CLN6: variants seen among roughly 807,000 people sequenced by gnomAD.
CLN6 encodes CLN6 transmembrane ER protein.
Under a neutral mutation model 33.3 loss-of-function variants are expected in CLN6, and 22 were observed. That is an observed-to-expected ratio of 0.66 (90% confidence interval 0.47 to 0.94). The LOEUF (loss-of-function observed/expected upper bound fraction) is 0.94. CLN6 is among the 40% of genes least tolerant of loss of function. The pLI is 0.00. For synonymous variants in CLN6, 201 were observed against 174.6 expected, an observed-to-expected ratio of 1.15 and a Z score of -1.19; for missense variants, 387 against 417.1, an observed-to-expected ratio of 0.93 and a Z score of 0.63.
chr15:68,232,707 GGACA>G (rs528007007), upstream of CLN6, among the ~76,000 whole-genome samples: 13 of 152,292 alleles, frequency 8.5e-5, no homozygotes, highest in South Asian at 2.7e-3. The surrounding 1 kb of genome is among the most constrained non-coding windows in gnomAD (Gnocchi z 4.7). Flanking sequence ...TCCTCTTTCT[GGACA>G]GACTGGCCTG....
At position 68,208,094 on chromosome 15, in the gene CLN6, G is replaced by GGCCCCCCCCCCCCCC; in HGVS notation, c.*45_*46insGGGGGGGGGGGGGGC. 7.3e-7 allele frequency: 1 copy of GGCCCCCCCCCCCCCC among 1,375,276 alleles called. No homozygotes were observed. Among genetic ancestry groups the GGCCCCCCCCCCCCCC allele is most frequent in the Non-Finnish European group, 1.0e-6 (1 of 992,022 alleles). 85.2% of individuals were successfully genotyped at this position (1,375,276 alleles called of 1,614,324 possible). A position where few individuals can be genotyped will look rare whatever the true frequency, so the allele number is the denominator to read the frequency against. ...CTCCTGTATTCAGATGCCCTCCATG[G>GGCCCCCCCCCCCCCC]CCCACCCTCCCACCCAGCAGAGCGC... On this transcript the variant is annotated 3_prime_UTR_variant, in exon 7 of 7. Coordinates refer to ENST00000249806, the MANE Select transcript of CLN6 (RefSeq NM_017882.3). The surrounding 1 kb of genome is among the most constrained non-coding windows in gnomAD (Gnocchi z 5.8).
intron 1 of CLN6, among the ~76,000 whole-genome samples, chr15:68,252,096 C>A (rs1286236225): frequency 6.6e-6 from 1 of 151,614 alleles, no homozygotes; most frequent in Non-Finnish European, 1.5e-5. Context: ...GCCTCAGCCT[C>A]CCGAGTAGCT....
At position 68,214,289 on chromosome 15, in the gene CLN6, C is replaced by T. The variant is rs796052351; in HGVS notation, c.297+1G>A. On this transcript the variant is annotated splice_donor_variant, in intron 3 of 6. Transcript: ENST00000249806. LOFTEE classifies it high-confidence loss of function. ...AGAGAGTGGGGGCCCTGGGACAGTA[C>T]CTTGAGCAAGAGAAAGGGCGTGATG... The T allele has an allele frequency of 1.9e-6, 3 of 1,610,806 alleles. No individual in the cohort carries two copies. Among genetic ancestry groups the T allele is most frequent in the Non-Finnish European group, 2.5e-6 (3 of 1,177,028 alleles).
chr15:68,243,995 G>A (rs1224310624), intron 1 of CLN6, among the ~76,000 whole-genome samples: 1 of 151,914 alleles, frequency 6.6e-6, no homozygotes, highest in Non-Finnish European at 1.5e-5. Flanking sequence ...AACCCGAGAG[G>A]CGGACTTTGC....
At chr15:68,230,074 G>A (rs984422111), upstream of CLN6, among the ~76,000 whole-genome samples, 2 of 152,214 alleles carry the variant, frequency 1.3e-5, no homozygotes, top group Non-Finnish European at 2.9e-5. This position sits in a 1 kb window ranked among gnomAD's most constrained non-coding sequence, Gnocchi z 4.0. Context: ...TACGGGTGGA[G>A]GAGAGGAGGC....
At chr15:68,254,915 T>C in intron 1 of CLN6, 4 of 1,127,870 alleles carry the variant, frequency 3.5e-6, no homozygotes, top group Non-Finnish European at 5.3e-6. Flanking sequence ...AGTGTGTGCA[T>C]TTTTGATAAC....
chr15:68,248,652 CAAAA>C (rs34923729), intron 1 of CLN6, among the ~76,000 whole-genome samples: 2 of 103,792 alleles, frequency 1.9e-5, no homozygotes, highest in Admixed American at 1.0e-4. Flanking sequence ...GACTCCGTCT[CAAAA>C]AAAAAAAAAA....
At chr15:68,225,007 A>AG (rs1287737543) in intron 1 of CLN6, among the ~76,000 whole-genome samples, 1 of 152,230 alleles carries the variant, frequency 6.6e-6, no homozygotes, top group Admixed American at 6.5e-5. Context: ...CAGCATCTGC[A>AG]GGGCTGCCTG....
chr15:68,218,615 G>A lies in CLN6; in HGVS notation c.119C>T (p.Thr40Met), dbSNP rs769199442. 21 of 1,613,716 alleles carry A rather than the reference G, an allele frequency of 1.3e-5. No individual in the cohort carries two copies. In the Admixed American group the frequency reaches 1.7e-4, roughly 13 times the overall value. Reference sequence around the variant, plus strand: ...CCAGAGGTCGAGGTGGAAGGGAGCCGTGCGGGCAGCCTCATCAGCGCTCAC... The same window carrying A: ...CCAGAGGTCGAGGTGGAAGGGAGCCATGCGGGCAGCCTCATCAGCGCTCAC... ...GSVSADEAAR[T>M]APFHLDLWFY... The change falls in exon 2 of 7, where the codon ACG (threonine) becomes ATG (methionine). Residue 40 changes from threonine (T) to methionine (M), a missense_variant. Thr to Met is a moderately conservative substitution (Grantham distance 81). Coordinates refer to ENST00000249806, the MANE Select transcript of CLN6 (RefSeq NM_017882.3).
intron 2 of CLN6, chr15:68,215,564 T>C (rs562808853): frequency 1.3e-5 from 2 of 152,270 alleles, no homozygotes; most frequent in South Asian, 2.1e-4. Context: ...CACAAACTCC[T>C]GGGCTCAAGC....
intron 3 of CLN6, chr15:68,212,102 C>T: frequency 1.8e-6 from 1 of 561,436 alleles, no homozygotes; most frequent in Non-Finnish European, 3.2e-6. Context: ...AGCAAAAAGA[C>T]CAGAGGGCCC....
At chr15:68,234,599 T>C (rs78732479), upstream of CLN6, among the ~76,000 whole-genome samples, 15 of 152,346 alleles carry the variant, frequency 9.8e-5, no homozygotes, top group East Asian at 2.1e-3. This position sits in a 1 kb window ranked among gnomAD's most constrained non-coding sequence, Gnocchi z 4.1. Flanking sequence ...CAGAGCTGAA[T>C]TGCTCTCTGC....
intron 1 of CLN6, among the ~76,000 whole-genome samples, chr15:68,237,090 G>A (rs376492025): frequency 2.0e-4 from 29 of 147,288 alleles, no homozygotes; most frequent in African/African-American, 7.0e-4. Context: ...CCGGGAAGCG[G>A]AGCTTGCAGT....
chr15:68,235,900 C>T (rs2141159944), intron 1 of CLN6, among the ~76,000 whole-genome samples: 1 of 152,276 alleles, frequency 6.6e-6, no homozygotes, highest in Middle Eastern at 3.4e-3. Context: ...TCCTTCCTTG[C>T]ATTTCTCCAG....
intron 1 of CLN6, among the ~76,000 whole-genome samples, chr15:68,221,519 C>G (rs377253571): frequency 1.3e-5 from 2 of 152,038 alleles, no homozygotes; most frequent in East Asian, 2.0e-4. Flanking sequence ...GACGGAGTCT[C>G]GCTCACTCAA....
At chr15:68,226,712 A>T (rs2093253095) in intron 1 of CLN6, among the ~76,000 whole-genome samples, 1 of 151,948 alleles carries the variant, frequency 6.6e-6, no homozygotes, top group South Asian at 2.1e-4. Flanking sequence ...TGATCCGCCC[A>T]TCTCGGCCTC....
intron 1 of CLN6, among the ~76,000 whole-genome samples, chr15:68,252,808 A>G (rs1218943741): frequency 6.6e-6 from 1 of 152,240 alleles, no homozygotes; most frequent in Non-Finnish European, 1.5e-5. Context: ...ACTTGCATAA[A>G]GCTCAAACAA....
chr15:68,222,764 C>T (rs915119706), intron 1 of CLN6, among the ~76,000 whole-genome samples: 4 of 152,298 alleles, frequency 2.6e-5, no homozygotes, highest in Admixed American at 1.3e-4. Flanking sequence ...TAGGAGACTC[C>T]ATTTTGTTCT....
intron 2 of CLN6, 119 bp from the exon 3 acceptor site, chr15:68,214,507 T>C (rs889828961): frequency 5.9e-5 from 41 of 696,638 alleles, no homozygotes; most frequent in African/African-American, 9.5e-5. Flanking sequence ...CACCCCATCA[T>C]GTACACTTAA....
Sources: allele counts gnomAD v4.1 joint callset (sites outside exome capture counted in the v4.1 genomes callset), GRCh38; gene constraint gnomAD v4.1.1; non-coding constraint Gnocchi (gnomAD v3.1); transcripts MANE v1.5; gene names NCBI Gene and HGNC (gene_info 2026-07-23, HGNC 2026-07-21).